The following PDE8B variants were observed in gnomAD, a reference collection of about 807,000 sequenced individuals.
PDE8B encodes high affinity cAMP-specific and IBMX-insensitive 3',5'-cyclic phosphodiesterase 8B.
In PDE8B, 26 loss-of-function variants were observed where a neutral mutation model predicts 101.3. The ratio of observed to expected loss-of-function variants is 0.26; its 90% CI spans 0.19 to 0.36. PDE8B has a LOEUF of 0.36. Ranked by LOEUF, PDE8B falls within the 10% of genes least tolerant of loss-of-function variation. PDE8B has a pLI of 1.00. For missense variants in PDE8B, 810 were observed against 1,163.1 expected (o/e 0.70, Z 4.42); for synonymous variants, 424 against 429.3 (o/e 0.99, Z 0.15).
chr5:77,199,520 G>C, the PDE8B span, among the ~76,000 whole-genome samples: 1 of 152,058 alleles, frequency 6.6e-6, no homozygotes, highest in Non-Finnish European at 1.5e-5. Context: ...TGGTGATTTC[G>C]AAAAGATCAG....
At chr5:77,184,526 G>C in the PDE8B span, among the ~76,000 whole-genome samples, 2 of 151,956 alleles carry the variant, frequency 1.3e-5, no homozygotes, top group South Asian at 4.1e-4. Context: ...ACCATTTTTT[G>C]CCTACAAAAA....
At chr5:77,397,448 T>C (rs548109636) in intron 10 of PDE8B, among the ~76,000 whole-genome samples, 9 of 152,282 alleles carry the variant, frequency 5.9e-5, no homozygotes, top group South Asian at 2.1e-4. Context: ...GCAGCTCTTA[T>C]AGACTTATAA....
chr5:77,351,949 T>C (rs1704921715), intron 9 of PDE8B, among the ~76,000 whole-genome samples: 1 of 152,228 alleles, frequency 6.6e-6, no homozygotes, highest in Non-Finnish European at 1.5e-5. Context: ...AATTGTTGTA[T>C]GAATAGAAAA....
At chr5:77,194,511 T>C in the PDE8B span, among the ~76,000 whole-genome samples, 3 of 152,216 alleles carry the variant, frequency 2.0e-5, no homozygotes, top group Non-Finnish European at 4.4e-5. Flanking sequence ...TGCACAATGT[T>C]GTGCAACCAT....
At chr5:77,249,494 C>T (rs980874503) in intron 1 of PDE8B, among the ~76,000 whole-genome samples, 4 of 152,190 alleles carry the variant, frequency 2.6e-5, no homozygotes, top group African/African-American at 7.2e-5. Context: ...CCTTTCATGG[C>T]TGTATCTACC....
intron 14 of PDE8B, among the ~76,000 whole-genome samples, chr5:77,409,918 G>A (rs544475434): frequency 6.6e-6 from 1 of 152,316 alleles, no homozygotes; most frequent in South Asian, 2.1e-4. Context: ...CTTGCCCCTG[G>A]GCTGGCCTGT....
At chr5:77,237,435 A>G (rs905579918) in intron 1 of PDE8B, among the ~76,000 whole-genome samples, 1 of 152,072 alleles carries the variant, frequency 6.6e-6, no homozygotes, top group Non-Finnish European at 1.5e-5. Context: ...TCTAGGGATT[A>G]TCACACACAC....
Position 77,378,487 on chromosome 5 carries a change from G to A in PDE8B, c.1168-21761G>A, listed in dbSNP as rs75223838. Among the ~76,000 whole-genome samples, 50 of 143,846 alleles carry A rather than the reference G, an allele frequency of 3.5e-4. No homozygotes were observed. The East Asian group carries it at 7.7e-3, about 22-fold the overall frequency. 94.4% of individuals were successfully genotyped at this position (143,846 alleles called of 152,430 possible). On this transcript the variant is annotated intron_variant, in intron 10 of 21. Transcript: ENST00000264917. ...AAAAAAAAAAAAAAAAAAAAAAAGG[G>A]CATGTACCAAAGATCTTTTCTCAAA...
rs1194972466 is a variant in PDE8B, at chr5:77,408,924, A to T, written c.1397A>T (p.Asn466Ile). The part of the protein sequence containing the change: ...VINIINAAQE[N>I]SPVTVAEALD... ...AATATAATCAATGCAGCCCAAGAAA[A>T]CAGCCCAGTCACAGTAGCGGAAGCC... The change falls in exon 14 of 22, where the codon AAC becomes ATC. Residue 466 changes from asparagine to isoleucine, a missense_variant. This residue lies in a region of PDE8B where 325 missense variants were observed against 560.9 expected (regional missense o/e 0.58). Transcript: ENST00000264917. 1 of 1,613,568 alleles carries T rather than the reference A, an allele frequency of 6.2e-7. No individual in the cohort carries two copies. The highest frequency in any genetic ancestry group is 8.5e-7 in the Non-Finnish European group (1 of 1,179,570).
chr5:77,112,643 A>G, the PDE8B span: 3 of 152,328 alleles, frequency 2.0e-5, no homozygotes, highest in South Asian at 6.2e-4. Context: ...CTTCTATTCA[A>G]CATAGTCTTG....
At chr5:77,132,887 T>C in the PDE8B span, among the ~76,000 whole-genome samples, 3 of 152,266 alleles carry the variant, frequency 2.0e-5, no homozygotes, top group Admixed American at 2.0e-4. Flanking sequence ...TATAATTAAC[T>C]GATAGTTTAG....
At position 77,353,684 on chromosome 5, in the gene PDE8B, T is replaced by C. The variant is rs140092917; in HGVS notation, c.1167+278T>C. On this transcript the variant is annotated intron_variant, in intron 10 of 21. Coordinates refer to ENST00000264917, the MANE Select transcript of PDE8B (RefSeq NM_003719.5). Reference sequence around the variant, plus strand: ...GAAGGCATAAAATTTTTCCTCCAAATAAAAAATGTTCTATTTTTATCTTAA... The same window carrying C: ...GAAGGCATAAAATTTTTCCTCCAAACAAAAAATGTTCTATTTTTATCTTAA... 5.3e-3 allele frequency among the ~76,000 whole-genome samples: 813 copies of C among 152,264 alleles called. 11 individuals carry two copies. Among genetic ancestry groups the C allele is most frequent in the African/African-American group, 0.017 (701 of 41,554 alleles).
chr5:77,257,302 A>T (rs190565261), intron 1 of PDE8B, among the ~76,000 whole-genome samples: 4 of 151,888 alleles, frequency 2.6e-5, no homozygotes, highest in Non-Finnish European at 5.9e-5. Flanking sequence ...AGAAAAGTCA[A>T]GAGCCAACTA....
intron 1 of PDE8B, among the ~76,000 whole-genome samples, chr5:77,248,664 A>G (rs184554759): frequency 8.5e-5 from 13 of 152,304 alleles, no homozygotes; most frequent in East Asian, 1.9e-4. Context: ...GAAAGAAACA[A>G]TCTACTTATG....
At chr5:77,126,296 A>G in the PDE8B span, among the ~76,000 whole-genome samples, 1 of 152,176 alleles carries the variant, frequency 6.6e-6, no homozygotes, top group Non-Finnish European at 1.5e-5. Flanking sequence ...AAAAAAAAAA[A>G]AAGTTAGTTA....
At chr5:77,403,850 C>T (rs1792832684) in intron 11 of PDE8B, among the ~76,000 whole-genome samples, 1 of 151,288 alleles carries the variant, frequency 6.6e-6, no homozygotes, top group Non-Finnish European at 1.5e-5. Context: ...CAGAGTTTCA[C>T]TCTTTTTGCC....
At chr5:77,342,698 G>C (rs1401833104) in intron 6 of PDE8B, among the ~76,000 whole-genome samples, 1 of 152,078 alleles carries the variant, frequency 6.6e-6, no homozygotes, top group African/African-American at 2.4e-5. Context: ...TCTAGATTAG[G>C]AAATTAGTTA....
Position 77,291,530 on chromosome 5 carries a change from T to C in PDE8B, c.340-20464T>C, listed in dbSNP as rs1268747160. On this transcript the variant is annotated intron_variant, in intron 1 of 21. Transcript: ENST00000264917. The stretch of plus-strand genomic sequence containing the variant: ...AAGAAGAGGTCTTTGCATGGAATAC[T>C]GAAGTAAAACAGAGACTTTCAAGTA... 3.1e-6 allele frequency: 5 copies of C among 1,606,088 alleles called. No individual in the cohort carries two copies. The African/African-American group carries it at 6.7e-5, about 21-fold the overall frequency.
chr5:77,145,491 G>A, the PDE8B span: 1 of 152,174 alleles, frequency 6.6e-6, no homozygotes, highest in Non-Finnish European at 1.5e-5. Flanking sequence ...TAAAATCTCA[G>A]GAAGATTAAG....
Sources: allele counts gnomAD v4.1 joint callset (sites outside exome capture counted in the v4.1 genomes callset), GRCh38; gene constraint gnomAD v4.1.1; regional missense constraint gnomAD v4.1.1; transcripts MANE v1.5; gene names NCBI Gene and HGNC (gene_info 2026-07-23, HGNC 2026-07-21).